The following MEGF11 variants were observed in gnomAD, a reference collection of about 807,000 sequenced individuals.
The protein encoded by MEGF11 is multiple EGF like domains 11.
A neutral mutation model predicts 146.6 loss-of-function variants in MEGF11; 126 were observed. The ratio of observed to expected loss-of-function variants is 0.86; its 90% CI spans 0.74 to 1.00. MEGF11 has a LOEUF of 1.00. Among genes scored for constraint, MEGF11 ranks in the 50% least tolerant of loss-of-function variants. The probability of loss-of-function intolerance (pLI) is 0.00; values close to 1 mark genes in which losing one functional copy is unlikely to be tolerated. For missense variants in MEGF11, 1,509 were observed against 1,521.2 expected (o/e 0.99, Z 0.13); for synonymous variants, 532 against 583.4 (o/e 0.91, Z 1.27).
At chr15:66,137,062 A>G (rs2088919627) in intron 1 of MEGF11, among the ~76,000 whole-genome samples, 2 of 152,210 alleles carry the variant, frequency 1.3e-5, no homozygotes. Flanking sequence ...TTGCCACAGC[A>G]CTGAAGCAAC....
intron 5 of MEGF11, among the ~76,000 whole-genome samples, chr15:65,998,423 G>C (rs1433457876): frequency 1.3e-5 from 2 of 152,194 alleles, no homozygotes; most frequent in Non-Finnish European, 2.9e-5. Context: ...AGTTGGGGCA[G>C]CTCAGTGCAT....
rs150699838 is a variant in MEGF11, at chr15:65,997,687, A to G, written c.395-15199T>C. ...CAGGGGCTCTGTTTTATTCACTGTT[A>G]TATCCCCAGCGCCTCGAACAGTGTC... On this transcript the variant is annotated intron_variant, in intron 5 of 25. Transcript: ENST00000395614. Among the ~76,000 whole-genome samples the G allele has an allele frequency of 2.8e-3, 424 of 152,294 alleles. 2 individuals carry two copies. The highest frequency in any genetic ancestry group is 9.6e-3 in the African/African-American group (401 of 41,562).
intron 10 of MEGF11, among the ~76,000 whole-genome samples, chr15:65,942,702 G>A (rs535528202): frequency 9.9e-5 from 15 of 152,160 alleles, no homozygotes; most frequent in Admixed American, 2.6e-4. Flanking sequence ...CTTCCCTGGC[G>A]CTGAGCCCTG....
Position 65,985,953 on chromosome 15 carries a change from AT to A in MEGF11, c.395-3466del, listed in dbSNP as rs60520972. 7.9e-3 allele frequency among the ~76,000 whole-genome samples: 1,113 copies of A among 140,118 alleles called. 7 individuals carry two copies. Among genetic ancestry groups the A allele is most frequent in the African/African-American group, 0.019 (732 of 38,216 alleles). 91.9% of individuals were successfully genotyped at this position (140,118 alleles called of 152,430 possible). A position where few individuals can be genotyped will look rare whatever the true frequency, so the allele number is the denominator to read the frequency against. The stretch of plus-strand genomic sequence containing the variant: ...TGCACATGTGTATGTTTGTGTCTGC[AT>A]TTTTTTTTTTTTTTGAGACAGAGTT... On this transcript the variant is annotated intron_variant, in intron 5 of 25. Coordinates refer to ENST00000395614, the MANE Select transcript of MEGF11 (RefSeq NM_001385028.1).
At chr15:65,954,326 C>T (rs2080503306) in intron 10 of MEGF11, among the ~76,000 whole-genome samples, 1 of 152,208 alleles carries the variant, frequency 6.6e-6, no homozygotes, top group Non-Finnish European at 1.5e-5. Context: ...TGAGTCTGCT[C>T]TGCTGATTGC....
At chr15:66,000,619 G>A (rs2082338458) in intron 5 of MEGF11, among the ~76,000 whole-genome samples, 1 of 152,110 alleles carries the variant, frequency 6.6e-6, no homozygotes, top group Admixed American at 6.5e-5. Flanking sequence ...ATAACATGCT[G>A]TCTGATGTGT....
At chr15:66,147,790 T>C (rs1048536017) in intron 1 of MEGF11, among the ~76,000 whole-genome samples, 4 of 152,272 alleles carry the variant, frequency 2.6e-5, no homozygotes, top group Non-Finnish European at 5.9e-5. Context: ...TGTTCTGAGA[T>C]AAATGGGCAG....
At chr15:65,916,038 G>C in intron 18 of MEGF11, 110 bp downstream of exon 18, 1 of 1,335,012 alleles carries the variant, frequency 7.5e-7, no homozygotes, top group Non-Finnish European at 9.9e-7. Flanking sequence ...AAAGTCAAGG[G>C]ACCAAGGGGT....
At chr15:65,924,827 C>G (rs2079313064) in intron 13 of MEGF11, among the ~76,000 whole-genome samples, 1 of 152,074 alleles carries the variant, frequency 6.6e-6, no homozygotes, top group Non-Finnish European at 1.5e-5. Context: ...CGGGGTTCCT[C>G]CATGTTGGCC....
rs1422649800 is a variant in MEGF11 at position 66,084,836 on chromosome 15, C to A, written c.394+9566G>T. ...GGAGGGCACGAATCTGCTGTGGAGA[C>A]CTCACAAGCAAGGGAAGAACTAAAG... On this transcript the variant is annotated intron_variant, in intron 5 of 25. Coordinates refer to ENST00000395614, the MANE Select transcript of MEGF11 (RefSeq NM_001385028.1). Among the ~76,000 whole-genome samples, 4 of 152,180 alleles carry A rather than the reference C, an allele frequency of 2.6e-5. No homozygotes were observed. In the East Asian group the frequency reaches 7.7e-4, roughly 29 times the overall value.
intron 24 of MEGF11, chr15:65,905,883 G>A (rs1280357356): frequency 9.2e-6 from 4 of 436,584 alleles, no homozygotes; most frequent in East Asian, 7.0e-5. Context: ...AACTGAAATC[G>A]AAAGATGAAT....
chr15:65,914,798 G>A (rs1596829552), intron 19 of MEGF11, among the ~76,000 whole-genome samples: 1 of 152,196 alleles, frequency 6.6e-6, no homozygotes, highest in East Asian at 1.9e-4. Flanking sequence ...ATAATTGAGA[G>A]CCCATTTTCA....
intron 4 of MEGF11, among the ~76,000 whole-genome samples, chr15:66,103,955 C>A (rs2047338451): frequency 6.6e-6 from 1 of 152,234 alleles, no homozygotes; most frequent in African/African-American, 2.4e-5. Flanking sequence ...CCTGGAAACC[C>A]AGCTCCACTG....
chr15:66,036,760 T>C (rs1469198305), intron 5 of MEGF11, among the ~76,000 whole-genome samples: 2 of 152,170 alleles, frequency 1.3e-5, no homozygotes, highest in Admixed American at 6.5e-5. Context: ...ATAAGCTGAA[T>C]TCAGATTGGT....
intron 1 of MEGF11, among the ~76,000 whole-genome samples, chr15:66,233,645 G>A (rs964443958): frequency 2.0e-5 from 3 of 152,270 alleles, no homozygotes; most frequent in African/African-American, 2.4e-5. Flanking sequence ...CAGCAGCCAC[G>A]CCCTTTCCCC....
intron 1 of MEGF11, among the ~76,000 whole-genome samples, chr15:66,244,097 A>C (rs951249303): frequency 1.3e-5 from 2 of 152,328 alleles, no homozygotes; most frequent in East Asian, 3.9e-4. Flanking sequence ...AGTTGTTGTA[A>C]GACACAGTCT....
chr15:66,119,056 G>A, intron 4 of MEGF11, 30 bp downstream of exon 4: 1 of 1,450,364 alleles, frequency 6.9e-7, no homozygotes, highest in Non-Finnish European at 9.4e-7. Context: ...CTTCCCCACT[G>A]AGGGCAGAAC....
Position 65,915,580 on chromosome 15 carries a change from A to G in MEGF11, c.2363T>C (p.Phe788Ser), listed in dbSNP as rs763344207. 6.8e-6 allele frequency: 11 copies of G among 1,613,796 alleles called. No homozygotes were observed. Among genetic ancestry groups the G allele is most frequent in the South Asian group, 1.1e-5 (1 of 91,068 alleles). The change falls in exon 19 of 26, where the codon TTT becomes TCT. Residue 788 changes from phenylalanine to serine, a missense_variant. Transcript: ENST00000395614. Reference protein sequence around the residue: ...HCEQRCAPGTFGYGCQQLCEC... With the variant: ...HCEQRCAPGTSGYGCQQLCEC... ...ACATAGCTGCTGACACCCATAGCCAAAGGTTCCTGGGGCACATCCTGTGTG... is the reference window on the plus strand; with the variant it reads ...ACATAGCTGCTGACACCCATAGCCAGAGGTTCCTGGGGCACATCCTGTGTG...
At chr15:66,149,273 G>A (rs964674949) in intron 1 of MEGF11, among the ~76,000 whole-genome samples, 2 of 152,214 alleles carry the variant, frequency 1.3e-5, no homozygotes, top group South Asian at 2.1e-4. Context: ...GTGGCATGGC[G>A]AGTCATAACC....
Sources: gnomAD v4.1 joint callset for allele counts (sites outside exome capture counted in the v4.1 genomes callset) on GRCh38, gnomAD v4.1.1 for gene constraint, MANE v1.5 for transcripts, NCBI Gene and HGNC (gene_info 2026-07-23, HGNC 2026-07-21) for gene names.